AK5: variants seen among roughly 807,000 people sequenced by gnomAD.
AK5 encodes the protein adenylate kinase isoenzyme 5.
In AK5, 27 loss-of-function variants were observed where a neutral mutation model predicts 69.5. That is an observed-to-expected ratio of 0.39 (90% CI 0.29 to 0.54). AK5 has a LOEUF of 0.54. Among genes scored for constraint, AK5 ranks in the 20% least tolerant of loss-of-function variants. The pLI, the probability that AK5 is intolerant of heterozygous loss-of-function variation, is 0.71. For missense variants in AK5, 531 were observed against 700.4 expected (o/e 0.76, Z 2.73); for synonymous variants, 260 against 244.4 (o/e 1.06, Z -0.60).
chr1:77,367,600 A>ATATATATGTTATATATATGT (rs1333659253), intron 6 of AK5, among the ~76,000 whole-genome samples: 1 of 42,232 alleles, frequency 2.4e-5, no homozygotes, highest in Non-Finnish European at 4.7e-5. Context: ...TATATATGTA[A>ATATATATGTTATATATATGT]TATATATGTA....
chr1:77,372,187 A>C (rs1375903426), intron 6 of AK5, among the ~76,000 whole-genome samples: 2 of 152,160 alleles, frequency 1.3e-5, no homozygotes, highest in African/African-American at 4.8e-5. Context: ...AAACAAAAAA[A>C]AAATTCCTTG....
intron 8 of AK5, among the ~76,000 whole-genome samples, chr1:77,468,264 G>T (rs140822508): frequency 0.02 from 3,099 of 152,266 alleles, 49 homozygotes; most frequent in Non-Finnish European, 0.029. Flanking sequence ...GGAAAAAATT[G>T]ATAAACCTTC....
chr1:77,470,875 A>ATTTTTTTTTT (rs149758544), intron 8 of AK5, among the ~76,000 whole-genome samples: 1 of 74,972 alleles, frequency 1.3e-5, no homozygotes, highest in Non-Finnish European at 2.1e-5. Context: ...ATATATATAT[A>ATTTTTTTTTT]TTTTTTTTTT....
Position 77,286,571 on chromosome 1 carries a change from G to A in AK5, c.61-370G>A, listed in dbSNP as rs548675287. Among the ~76,000 whole-genome samples, 95 of 152,074 alleles carry A rather than the reference G, an allele frequency of 6.2e-4. No individual in the cohort carries two copies. The East Asian group carries it at 9.7e-3, about 15-fold the overall frequency. Reference sequence around the variant, plus strand: ...TTTTAACAAAGGTGGGTGGGGTCACGTGCAGTGGCTCATGCCTGTAATCCC... The same window carrying A: ...TTTTAACAAAGGTGGGTGGGGTCACATGCAGTGGCTCATGCCTGTAATCCC... On this transcript the variant is annotated intron_variant, in intron 1 of 13. Coordinates refer to ENST00000354567, the MANE Select transcript of AK5 (RefSeq NM_174858.3).
At chr1:77,345,057 T>A (rs1167030895) in intron 6 of AK5, among the ~76,000 whole-genome samples, 1 of 151,946 alleles carries the variant, frequency 6.6e-6, no homozygotes, top group Non-Finnish European at 1.5e-5. Flanking sequence ...TTCAAAACTT[T>A]GTGCCATTAG....
intron 13 of AK5, among the ~76,000 whole-genome samples, chr1:77,555,488 G>T (rs1317156955): frequency 6.6e-6 from 1 of 152,070 alleles, no homozygotes; most frequent in Non-Finnish European, 1.5e-5. Context: ...AGAATCAAAG[G>T]CCTGGGTGTG....
intron 1 of AK5, 137 bp downstream of exon 1, chr1:77,282,510 G>T (rs967653893): frequency 2.2e-6 from 3 of 1,383,446 alleles, no homozygotes; most frequent in South Asian, 1.7e-5. Context: ...GCACTCGCCC[G>T]CTCCCCCGAG....
rs1044027480 is a variant in AK5 at position 77,508,254 on chromosome 1, C to T, written c.1148-10310C>T. 2.6e-5 allele frequency among the ~76,000 whole-genome samples: 4 copies of T among 152,100 alleles called. No individual in the cohort carries two copies. In the South Asian group the frequency reaches 8.3e-4, roughly 32 times the overall value. On this transcript the variant is annotated intron_variant, in intron 10 of 13. Transcript: ENST00000354567. ...TCATCCATCAGTACATCTCTTTTTC[C>T]TGTCCACTTCCAAGTAAATTGCAGA...
intron 12 of AK5, among the ~76,000 whole-genome samples, chr1:77,527,964 C>G (rs551011886): frequency 1.3e-5 from 2 of 152,344 alleles, no homozygotes; most frequent in South Asian, 4.1e-4. Context: ...GAGGCTGAGG[C>G]AGGAGAATCG....
chr1:77,358,016 TGTGA>T (rs950860954), intron 6 of AK5, among the ~76,000 whole-genome samples: 7 of 103,908 alleles, frequency 6.7e-5, no homozygotes, highest in African/African-American at 1.9e-4. Context: ...TGTGTGTGTG[TGTGA>T]GAGAGAGAGA....
chr1:77,550,067 C>T (rs995916576), intron 13 of AK5, among the ~76,000 whole-genome samples: 7 of 152,136 alleles, frequency 4.6e-5, no homozygotes, highest in East Asian at 1.9e-4. Context: ...CTCAAGCCAT[C>T]GTTCACCTCA....
At chr1:77,431,097 G>A (rs1174508357) in intron 8 of AK5, among the ~76,000 whole-genome samples, 1 of 152,074 alleles carries the variant, frequency 6.6e-6, no homozygotes, top group Non-Finnish European at 1.5e-5. Context: ...ATTTAATGGT[G>A]GGAAGTCAAA....
chr1:77,404,288 A>G (rs1433743229), intron 6 of AK5, among the ~76,000 whole-genome samples: 4 of 152,150 alleles, frequency 2.6e-5, no homozygotes, highest in African/African-American at 9.7e-5. Flanking sequence ...GTACTGTAGG[A>G]TATTTAGCAG....
chr1:77,367,656 A>ATATATATGTTATGT (rs1646995230), intron 6 of AK5, among the ~76,000 whole-genome samples: 1 of 90,974 alleles, frequency 1.1e-5, no homozygotes, highest in African/African-American at 5.0e-5. Flanking sequence ...TATATATGTT[A>ATATATATGTTATGT]TATATATGTT....
intron 8 of AK5, among the ~76,000 whole-genome samples, chr1:77,453,539 T>C (rs1162385709): frequency 6.6e-6 from 1 of 152,254 alleles, no homozygotes; most frequent in Non-Finnish European, 1.5e-5. Context: ...TCTAGGTTGT[T>C]TCCGATTTCT....
At chr1:77,475,961 A>G (rs758930717) in intron 8 of AK5, among the ~76,000 whole-genome samples, 4 of 152,316 alleles carry the variant, frequency 2.6e-5, no homozygotes, top group East Asian at 3.9e-4. Context: ...AGAGAAAAAC[A>G]GTGAGAAAAT....
intron 10 of AK5, among the ~76,000 whole-genome samples, chr1:77,508,538 A>C (rs1422338233): frequency 6.6e-6 from 1 of 152,152 alleles, no homozygotes; most frequent in Non-Finnish European, 1.5e-5. Flanking sequence ...CATTTCATTG[A>C]CCAAAACAAG....
chr1:77,329,906 C>T (rs934754745), intron 5 of AK5, among the ~76,000 whole-genome samples: 3 of 152,226 alleles, frequency 2.0e-5, no homozygotes, highest in African/African-American at 7.2e-5. Context: ...CAGCTCTTAG[C>T]TGCCCAACAG....
chr1:77,419,712 A>C (rs1244144929), intron 8 of AK5, among the ~76,000 whole-genome samples: 1 of 152,216 alleles, frequency 6.6e-6, no homozygotes, highest in Non-Finnish European at 1.5e-5. Context: ...TGAGGATAGA[A>C]TGATTGGTTC....
Sources: allele counts gnomAD v4.1 joint callset (sites outside exome capture counted in the v4.1 genomes callset), GRCh38; gene constraint gnomAD v4.1.1; transcripts MANE v1.5; gene names NCBI Gene and HGNC (gene_info 2026-07-23, HGNC 2026-07-21).